Variants in NAALADL2 observed in about 807,000 individuals in gnomAD.
The protein encoded by NAALADL2 is N-acetylated alpha-linked acidic dipeptidase like 2.
NAALADL2 carries 76 observed loss-of-function variants against 87.2 expected under a neutral mutation model. That is an observed-to-expected ratio of 0.87 (90% CI 0.72 to 1.05). The LOEUF is 1.05. Among genes scored for constraint, NAALADL2 ranks in the 50% least tolerant of loss-of-function variants. The probability of loss-of-function intolerance (pLI) is 0.00; values close to 1 mark genes in which losing one functional copy is unlikely to be tolerated. For missense variants in NAALADL2, 1,089 were observed against 945.8 expected (o/e 1.15, Z -1.99); for synonymous variants, 354 against 331.0 (o/e 1.07, Z -0.75).
rs967089270 is a variant in NAALADL2 at position 175,667,273 on chromosome 3, G to A, written c.1896+39887G>A. ...AGAAAGAAAGAAAGAAAGGAAGGAAGGGATGGGGATCTGAAGGGGTTAAAT... is the reference window on the plus strand; with the variant it reads ...AGAAAGAAAGAAAGAAAGGAAGGAAAGGATGGGGATCTGAAGGGGTTAAAT... On this transcript the variant is annotated intron_variant, in intron 11 of 13. Transcript: ENST00000454872. Among the ~76,000 whole-genome samples the A allele has an allele frequency of 3.3e-5, 5 of 150,568 alleles. No homozygotes were observed. In the South Asian group the frequency reaches 6.3e-4, roughly 19 times the overall value.
intron 9 of NAALADL2, among the ~76,000 whole-genome samples, chr3:175,511,856 T>C (rs1731204199): frequency 6.6e-6 from 1 of 152,212 alleles, no homozygotes; most frequent in Non-Finnish European, 1.5e-5. Context: ...AGCTAGTCCT[T>C]GTTACTTACA....
At chr3:175,411,813 G>A (rs1238504178) in intron 5 of NAALADL2, among the ~76,000 whole-genome samples, 1 of 152,050 alleles carries the variant, frequency 6.6e-6, no homozygotes, top group African/African-American at 2.4e-5. Flanking sequence ...ATTGGTCAAT[G>A]TTTGTGTTCA....
chr3:175,583,445 G>A (rs1720081733), intron 10 of NAALADL2, among the ~76,000 whole-genome samples: 3 of 148,458 alleles, frequency 2.0e-5, no homozygotes, highest in Admixed American at 6.8e-5. Context: ...TGAAAGAAAA[G>A]CTGCTAAGAA....
At chr3:174,887,279 A>C (rs1730277948) in intron 1 of NAALADL2, among the ~76,000 whole-genome samples, 1 of 151,998 alleles carries the variant, frequency 6.6e-6, no homozygotes, top group African/African-American at 2.4e-5. Flanking sequence ...TAACCTTATC[A>C]ATGTCATTAT....
chr3:174,978,417 T>C (rs1420151832), intron 1 of NAALADL2, among the ~76,000 whole-genome samples: 1 of 152,228 alleles, frequency 6.6e-6, no homozygotes, highest in Non-Finnish European at 1.5e-5. Context: ...TGTTCAGTCC[T>C]CACTCTTTTT....
intron 2 of NAALADL2, among the ~76,000 whole-genome samples, chr3:175,113,645 G>A (rs9857523): frequency 0.045 from 6,739 of 151,408 alleles, 231 homozygotes; most frequent in Middle Eastern, 0.099. Flanking sequence ...AATCATGTTT[G>A]CAATACTGTT....
chr3:175,457,143 T>G (rs1722434973), intron 6 of NAALADL2, among the ~76,000 whole-genome samples: 1 of 152,070 alleles, frequency 6.6e-6, no homozygotes, highest in African/African-American at 2.4e-5. Context: ...GGATCCAACG[T>G]TCGTCACTGT....
intron 2 of NAALADL2, among the ~76,000 whole-genome samples, chr3:175,216,249 A>T (rs1177039692): frequency 6.6e-6 from 1 of 152,158 alleles, no homozygotes; most frequent in Non-Finnish European, 1.5e-5. Flanking sequence ...CATCTTGTCA[A>T]ATATAACAGT....
At chr3:175,435,177 G>A (rs1332303600) in intron 5 of NAALADL2, among the ~76,000 whole-genome samples, 1 of 151,774 alleles carries the variant, frequency 6.6e-6, no homozygotes, top group Non-Finnish European at 1.5e-5. Flanking sequence ...TATAAACTTA[G>A]CAAGATAAAA....
rs555459339 is a variant in NAALADL2 at position 175,520,340 on chromosome 3, A to G, written c.1653+48582A>G. Among the ~76,000 whole-genome samples, 14 of 130,634 alleles carry G rather than the reference A, an allele frequency of 1.1e-4. No individual in the cohort carries two copies. In the East Asian group the frequency reaches 2.9e-3, roughly 27 times the overall value. The allele number at this position is 130,634 out of a possible 152,430, so 85.7% of individuals were successfully genotyped here. A position where few individuals can be genotyped will look rare whatever the true frequency, so the allele number is the denominator to read the frequency against. ...GGAGTCTCGCTCTGTCGCCCAGGCC[A>G]GACTGCGGACTGCAGTGGTGCAATC... On this transcript the variant is annotated intron_variant, in intron 9 of 13. Coordinates refer to ENST00000454872, the MANE Select transcript of NAALADL2 (RefSeq NM_207015.3).
At chr3:175,578,764 T>C (rs1719291129) in intron 10 of NAALADL2, among the ~76,000 whole-genome samples, 1 of 152,350 alleles carries the variant, frequency 6.6e-6, no homozygotes, top group East Asian at 1.9e-4. Context: ...TCTATCAATA[T>C]ATTTTGTTTG....
chr3:174,556,001 G>A (rs1347611848), intron 2 of NAALADL2, among the ~76,000 whole-genome samples: 5 of 137,530 alleles, frequency 3.6e-5, no homozygotes, highest in African/African-American at 1.4e-4. Context: ...GTGTGTGTGT[G>A]TGTGTGTGCG....
chr3:174,758,079 A>T (rs1484717448), intron 3 of NAALADL2, among the ~76,000 whole-genome samples: 1 of 152,178 alleles, frequency 6.6e-6, no homozygotes, highest in Non-Finnish European at 1.5e-5. Flanking sequence ...GGAAGCAGAG[A>T]ACTGCAGGTC....
At chr3:174,538,835 C>A (rs1721960341) in intron 1 of NAALADL2, among the ~76,000 whole-genome samples, 1 of 152,046 alleles carries the variant, frequency 6.6e-6, no homozygotes, top group Non-Finnish European at 1.5e-5. Flanking sequence ...TGGAAGGGCC[C>A]ATTTTGAGTT....
At chr3:175,474,020 C>G (rs968299237) in intron 9 of NAALADL2, among the ~76,000 whole-genome samples, 1 of 152,116 alleles carries the variant, frequency 6.6e-6, no homozygotes, top group African/African-American at 2.4e-5. Context: ...ACATTCCCAC[C>G]AACAGCATAT....
chr3:174,657,524 T>A (rs1578447211), intron 2 of NAALADL2, among the ~76,000 whole-genome samples: 3 of 152,112 alleles, frequency 2.0e-5, no homozygotes, highest in Admixed American at 2.0e-4. Context: ...GAGGAAGGCA[T>A]AGAGATATCC....
chr3:174,493,642 C>A (rs1298146345), intron 1 of NAALADL2, among the ~76,000 whole-genome samples: 2 of 152,056 alleles, frequency 1.3e-5, no homozygotes, highest in African/African-American at 4.8e-5. Context: ...CAAATATATT[C>A]TGAAAGGCCT....
intron 11 of NAALADL2, among the ~76,000 whole-genome samples, chr3:175,712,055 G>T (rs776426230): frequency 1.3e-5 from 2 of 151,836 alleles, no homozygotes; most frequent in African/African-American, 4.8e-5. Context: ...ATAATGATAA[G>T]TTATATAAGA....
At chr3:175,628,620 T>TAC (rs1430197308) in intron 11 of NAALADL2, among the ~76,000 whole-genome samples, 9 of 140,836 alleles carry the variant, frequency 6.4e-5, no homozygotes, top group Non-Finnish European at 1.4e-4. Flanking sequence ...TCTCTATGTA[T>TAC]ATATATATAT....
Sources: allele counts gnomAD v4.1 joint callset (sites outside exome capture counted in the v4.1 genomes callset), GRCh38; gene constraint gnomAD v4.1.1; transcripts MANE v1.5; gene names NCBI Gene and HGNC (gene_info 2026-07-23, HGNC 2026-07-21).